The following ZNF143 variants were observed in gnomAD, a reference collection of about 807,000 sequenced individuals.
ZNF143 encodes the protein SPH-binding factor.
A neutral mutation model predicts 74.1 loss-of-function variants in ZNF143; 49 were observed. That is an observed-to-expected ratio of 0.66 (90% CI 0.53 to 0.84). ZNF143 has a LOEUF of 0.84. ZNF143 is among the 40% of genes least tolerant of loss of function. The pLI, the probability that ZNF143 is intolerant of heterozygous loss-of-function variation, is 0.00. For synonymous variants in ZNF143, 304 were observed against 282.8 expected (o/e 1.07, Z -0.75); for missense variants, 637 against 793.4 (o/e 0.80, Z 2.37).
At chr11:9,497,895 A>G (rs906063433) in intron 10 of ZNF143, 95 bp downstream of exon 10, 32 of 966,992 alleles carry the variant, frequency 3.3e-5, no homozygotes, top group African/African-American at 1.2e-4. Context: ...CAGTGGTGCA[A>G]TCTTGGCTCA....
chr11:9,462,251 C>A (rs1261204209), intron 1 of ZNF143, among the ~76,000 whole-genome samples: 1 of 121,642 alleles, frequency 8.2e-6, no homozygotes, highest in African/African-American at 2.9e-5. Context: ...TCTACAGATA[C>A]TTGAGTGCCT....
At chr11:9,463,248 A>G (rs1380492130) in intron 1 of ZNF143, among the ~76,000 whole-genome samples, 3 of 152,204 alleles carry the variant, frequency 2.0e-5, no homozygotes, top group Admixed American at 2.0e-4. Context: ...CATTTGTACG[A>G]AAGTTTTTGT....
intron 14 of ZNF143, among the ~76,000 whole-genome samples, chr11:9,517,301 T>G (rs1848758304): frequency 6.6e-6 from 1 of 152,160 alleles, no homozygotes; most frequent in South Asian, 2.1e-4. Context: ...ACTTCCTCAT[T>G]CTGTTTTTTT....
intron 13 of ZNF143, among the ~76,000 whole-genome samples, chr11:9,514,409 G>A (rs948547294): frequency 1.3e-5 from 2 of 152,118 alleles, no homozygotes; most frequent in Non-Finnish European, 2.9e-5. Context: ...CATTTATAGA[G>A]CACCTACCCC....
intron 5 of ZNF143, among the ~76,000 whole-genome samples, chr11:9,477,316 G>A (rs1856991539): frequency 6.8e-6 from 1 of 146,418 alleles, no homozygotes; most frequent in South Asian, 2.2e-4. Flanking sequence ...GTGCAGTGGT[G>A]CAATCTCGGC....
intron 1 of ZNF143, among the ~76,000 whole-genome samples, chr11:9,469,512 A>G (rs576799904): frequency 2.0e-5 from 3 of 151,182 alleles, no homozygotes; most frequent in African/African-American, 7.3e-5. Context: ...GATTACAGGC[A>G]TGAGCCACCG....
At chr11:9,489,629 A>G (rs1218828288) in intron 7 of ZNF143, among the ~76,000 whole-genome samples, 1 of 152,210 alleles carries the variant, frequency 6.6e-6, no homozygotes, top group African/African-American at 2.4e-5. Flanking sequence ...AACAGAAAAG[A>G]TTCAGATATG....
intron 12 of ZNF143, among the ~76,000 whole-genome samples, chr11:9,511,750 CTTTT>C (rs1254769544): frequency 1.7e-5 from 2 of 120,180 alleles, no homozygotes; most frequent in African/African-American, 3.1e-5. Flanking sequence ...CCTTTAACAG[CTTTT>C]TTTTTTTTTT....
At chr11:9,496,549 G>C (rs1436385407) in intron 9 of ZNF143, among the ~76,000 whole-genome samples, 171 bp downstream of exon 9, 1 of 151,610 alleles carries the variant, frequency 6.6e-6, no homozygotes, top group Non-Finnish European at 1.5e-5. Context: ...ACCCCTCTCT[G>C]TTCTTTTCTC....
chr11:9,509,512 C>T (rs1367079832), intron 12 of ZNF143, among the ~76,000 whole-genome samples: 1 of 152,198 alleles, frequency 6.6e-6, no homozygotes, highest in Non-Finnish European at 1.5e-5. Context: ...AAAAGGAAGT[C>T]GGTTTTTCTA....
At position 9,525,880 on chromosome 11, in the gene ZNF143, C is replaced by T. The variant is rs75804124; in HGVS notation, c.1833+494C>T. Among the ~76,000 whole-genome samples the T allele has an allele frequency of 1.6e-4, 25 of 152,228 alleles. No homozygotes were observed. The East Asian group carries it at 4.6e-3, about 28-fold the overall frequency. ...GGTGCAGCCGGGCATGGTGGCTCAT[C>T]CCTATAATCCTAGCACTTTGGGAGG... On this transcript the variant is annotated intron_variant, in intron 15 of 15. Coordinates refer to ENST00000396602, the MANE Select transcript of ZNF143 (RefSeq NM_003442.6).
chr11:9,510,232 C>G (rs866675130), intron 12 of ZNF143, among the ~76,000 whole-genome samples: 4 of 151,600 alleles, frequency 2.6e-5, no homozygotes, highest in South Asian at 2.1e-4. Flanking sequence ...TCATTCCATT[C>G]TCCTGCCTCA....
chr11:9,503,671 C>T (rs1409234215), intron 11 of ZNF143, among the ~76,000 whole-genome samples: 3 of 148,154 alleles, frequency 2.0e-5, no homozygotes, highest in Non-Finnish European at 4.5e-5. Context: ...GACGGAGTCA[C>T]GCTCTGTCTC....
Position 9,512,574 on chromosome 11 carries a change from T to C in ZNF143, c.1502T>C (p.Ile501Thr). Reference protein sequence around the residue: ...QSGLSQQVTLISQDGTQHVNI... With the variant: ...QSGLSQQVTLTSQDGTQHVNI... The stretch of plus-strand genomic sequence containing the variant: ...GGACTGAGTCAACAAGTTACACTCA[T>C]ATCCCAGGATGGGACTCAGCATGTA... Residue 501 changes from isoleucine (I) to threonine (T), a missense_variant, in exon 13 of 16, where the codon ATA (isoleucine) becomes ACA (threonine). Ile to Thr is a moderately conservative substitution (Grantham distance 89, BLOSUM62 -1). Transcript: ENST00000396602. The C allele has an allele frequency of 1.2e-6, 2 of 1,614,208 alleles. No individual in the cohort carries two copies. The highest frequency in any genetic ancestry group is 1.1e-5 in the South Asian group (1 of 91,090).
chr11:9,496,174 A>G (rs1847950860), intron 8 of ZNF143, 129 bp from the exon 9 acceptor site: 6 of 742,188 alleles, frequency 8.1e-6, no homozygotes, highest in African/African-American at 3.5e-5. Context: ...TTGTGAAGTT[A>G]TCTTTTTTAT....
At chr11:9,468,610 G>A (rs1326738838) in intron 1 of ZNF143, among the ~76,000 whole-genome samples, 1 of 152,146 alleles carries the variant, frequency 6.6e-6, no homozygotes. Context: ...TATCTCATTT[G>A]CTAGCACGTT....
intron 11 of ZNF143, among the ~76,000 whole-genome samples, chr11:9,501,906 G>A (rs1848172943): frequency 6.6e-6 from 1 of 150,606 alleles, no homozygotes; most frequent in Non-Finnish European, 1.5e-5. Context: ...GAGGGGGCGG[G>A]GTGGTCTATG....
rs1849183816 is a variant in ZNF143 at position 9,527,907 on chromosome 11, A to G, written c.*294A>G. On this transcript the variant is annotated 3_prime_UTR_variant, in exon 16 of 16. Transcript: ENST00000396602. ...ACTCCTAGAGTCTACATGCAAGACTAGTAAAGTCTTATGGAGTCTTATGAT... is the reference window on the plus strand; with the variant it reads ...ACTCCTAGAGTCTACATGCAAGACTGGTAAAGTCTTATGGAGTCTTATGAT... 4.4e-6 allele frequency: 1 copy of G among 225,942 alleles called. No homozygotes were observed. The highest frequency in any genetic ancestry group is 5.4e-5 in the Admixed American group (1 of 18,678). The allele number at this position is 225,942 out of a possible 1,614,324, so 14.0% of individuals were successfully genotyped here.
intron 11 of ZNF143, among the ~76,000 whole-genome samples, chr11:9,506,651 T>C (rs1418551055): frequency 6.6e-6 from 1 of 152,058 alleles, no homozygotes; most frequent in East Asian, 1.9e-4. Context: ...ATAATTGAAG[T>C]AGAGAGAGTA....
Sources: allele counts gnomAD v4.1 joint callset (sites outside exome capture counted in the v4.1 genomes callset), GRCh38; gene constraint gnomAD v4.1.1; transcripts MANE v1.5; gene names NCBI Gene and HGNC (gene_info 2026-07-23, HGNC 2026-07-21).